Variants in AUTS2 observed in about 807,000 individuals in gnomAD.
The protein encoded by AUTS2 is autism susceptibility gene 2 protein.
In AUTS2, 17 loss-of-function variants were observed where a neutral mutation model predicts 112.4. The ratio of observed to expected loss-of-function variants is 0.15; its 90% CI spans 0.10 to 0.23. The LOEUF (loss-of-function observed/expected upper bound fraction) is 0.23. Among genes scored for constraint, AUTS2 ranks in the 10% least tolerant of loss-of-function variants. AUTS2 has a pLI of 1.00. For missense variants in AUTS2, 1,510 were observed against 1,701.6 expected (o/e 0.89, Z 1.98); for synonymous variants, 751 against 702.7 (o/e 1.07, Z -1.09).
At chr7:70,537,863 C>T (rs1341256679) in intron 5 of AUTS2, among the ~76,000 whole-genome samples, 1 of 152,126 alleles carries the variant, frequency 6.6e-6, no homozygotes, top group African/African-American at 2.4e-5. Context: ...AACCTGACTG[C>T]CGAACAAAAT....
At chr7:69,914,356 G>GAC (rs66527808) in intron 2 of AUTS2, among the ~76,000 whole-genome samples, 49,115 of 135,870 alleles carry the variant, frequency 0.36, 8,782 homozygotes, top group East Asian at 0.48. Flanking sequence ...CACACACACA[G>GAC]ACACACACAC....
chr7:69,619,975 T>C (rs991637791), intron 1 of AUTS2, among the ~76,000 whole-genome samples: 1 of 152,190 alleles, frequency 6.6e-6, no homozygotes, highest in African/African-American at 2.4e-5. Flanking sequence ...TGGCTTAAAT[T>C]ATGATTTTTT....
chr7:69,696,823 T>TATGTCTTTGCTGTGAGCA (rs1797582540), intron 1 of AUTS2, among the ~76,000 whole-genome samples: 1 of 152,228 alleles, frequency 6.6e-6, no homozygotes, highest in Admixed American at 6.5e-5. Context: ...GTAAAATATG[T>TATGTCTTTGCTGTGAGCA]ATGTCTTTGC....
At chr7:69,655,600 G>C (rs1795490536) in intron 1 of AUTS2, among the ~76,000 whole-genome samples, 1 of 152,208 alleles carries the variant, frequency 6.6e-6, no homozygotes, top group South Asian at 2.1e-4. Context: ...TAAAGTTTGA[G>C]AAACACTGAG....
At chr7:70,172,363 G>A (rs1808747735) in intron 4 of AUTS2, among the ~76,000 whole-genome samples, 1 of 152,160 alleles carries the variant, frequency 6.6e-6, no homozygotes, top group Admixed American at 6.5e-5. Context: ...GTTTCTGTAA[G>A]GTAATCCCAG....
intron 2 of AUTS2, among the ~76,000 whole-genome samples, chr7:69,912,515 G>A (rs1051844187): frequency 1.1e-4 from 16 of 152,242 alleles, no homozygotes; most frequent in Admixed American, 1.0e-3. Flanking sequence ...GACCATGTAG[G>A]GAGTATATTA....
In AUTS2 at chr7:70,246,761, A is replaced by G. The variant is rs180951302; in HGVS notation, c.660+112190A>G. Among the ~76,000 whole-genome samples, 5 of 152,174 alleles carry G rather than the reference A, an allele frequency of 3.3e-5. No homozygotes were observed. In the East Asian group the frequency reaches 9.7e-4, roughly 29 times the overall value. ...AAAGTGAAATTTTCATTGGAATTGC[A>G]TTGTTTATTGGATAATTTAGAAGGA... On this transcript the variant is annotated intron_variant, in intron 4 of 18. Coordinates refer to ENST00000342771, the MANE Select transcript of AUTS2 (RefSeq NM_015570.4).
intron 1 of AUTS2, among the ~76,000 whole-genome samples, chr7:69,784,800 A>G (rs556826355): frequency 5.1e-4 from 77 of 152,132 alleles, no homozygotes; most frequent in African/African-American, 1.7e-3. Context: ...TGGTGGTTGA[A>G]CTCCAGTGCA....
At chr7:69,847,962 C>G (rs1792285197) in intron 1 of AUTS2, among the ~76,000 whole-genome samples, 1 of 152,188 alleles carries the variant, frequency 6.6e-6, no homozygotes, top group South Asian at 2.1e-4. Flanking sequence ...CTCCTTTGCA[C>G]TGGATTTACT....
intron 1 of AUTS2, among the ~76,000 whole-genome samples, chr7:69,789,987 C>G (rs1789544644): frequency 6.6e-6 from 1 of 151,956 alleles, no homozygotes; most frequent in Non-Finnish European, 1.5e-5. Flanking sequence ...CGTGTTGAAA[C>G]ATCAGAGAAT....
chr7:70,310,504 T>A (rs1467813225), intron 4 of AUTS2, among the ~76,000 whole-genome samples: 2 of 151,772 alleles, frequency 1.3e-5, no homozygotes, highest in Admixed American at 6.6e-5. Context: ...TCCCAGCTAC[T>A]TGGGAGGCTG....
chr7:69,911,101 T>C (rs1795335342), intron 2 of AUTS2, among the ~76,000 whole-genome samples: 1 of 152,200 alleles, frequency 6.6e-6, no homozygotes, highest in Non-Finnish European at 1.5e-5. Context: ...AGCCAAGCCA[T>C]ATCAGTGAGT....
rs1789915317 is a variant in AUTS2 at position 70,766,001 on chromosome 7, A to AGG, written c.1469-113_1469-112insGG. 6.7e-7 allele frequency: 1 copy of AGG among 1,489,518 alleles called. No individual in the cohort carries two copies. 92.3% of individuals were successfully genotyped at this position (1,489,518 alleles called of 1,614,324 possible). A position where few individuals can be genotyped will look rare whatever the true frequency, so the allele number is the denominator to read the frequency against. On this transcript the variant is annotated intron_variant, in intron 8 of 18. Coordinates refer to ENST00000342771, the MANE Select transcript of AUTS2 (RefSeq NM_015570.4). This position sits in a 1 kb window ranked among gnomAD's most constrained non-coding sequence, Gnocchi z 4.8. ...CCCGTTTATCTCAGGGCCCAGCCAC[A>AGG]CCCTGTCACCCCTGCCACTGTGTCA... is the stretch of plus-strand genomic sequence containing the variant.
chr7:70,543,762 TA>T (rs1434314817), intron 5 of AUTS2, among the ~76,000 whole-genome samples: 1 of 152,116 alleles, frequency 6.6e-6, no homozygotes, highest in African/African-American at 2.4e-5. Flanking sequence ...ACATGTGAAT[TA>T]AAAATAGGCA....
intron 4 of AUTS2, among the ~76,000 whole-genome samples, chr7:70,150,481 G>A (rs983774063): frequency 3.3e-5 from 5 of 152,168 alleles, no homozygotes; most frequent in African/African-American, 1.2e-4. Flanking sequence ...CTTCCCAGTA[G>A]ACATGCTGTT....
At chr7:70,060,845 TC>T (rs1472298709) in intron 2 of AUTS2, among the ~76,000 whole-genome samples, 5 of 152,250 alleles carry the variant, frequency 3.3e-5, no homozygotes, top group Admixed American at 2.6e-4. Flanking sequence ...TCTGCTGCAT[TC>T]CCCAGCCTCC....
chr7:70,637,838 A>G (rs981228898), intron 5 of AUTS2, among the ~76,000 whole-genome samples: 2 of 152,190 alleles, frequency 1.3e-5, no homozygotes, highest in African/African-American at 4.8e-5. Context: ...GATTACTATA[A>G]AGGCACAGAT....
At chr7:70,208,107 C>T (rs1322970049) in intron 4 of AUTS2, among the ~76,000 whole-genome samples, 1 of 149,510 alleles carries the variant, frequency 6.7e-6, no homozygotes, top group Non-Finnish European at 1.5e-5. Context: ...CTGCTTTCTA[C>T]ACATCTTTGA....
At position 70,790,957 on chromosome 7, in the gene AUTS2, G is replaced by A; in HGVS notation, c.3741G>A (p.Arg1247=). ...CTCTGTCCGCAGAGATAAGGGAGAG[G>A]CCCCCTTCCCACACGCTGAAGGATA... ...TTPLSAEIRE[R]PPSHTLKDIE... The change falls in exon 19 of 19, where the codon AGG becomes AGA. Residue 1247 remains arginine (R), a synonymous_variant. Transcript: ENST00000342771. This position sits in a 1 kb window ranked among gnomAD's most constrained non-coding sequence, Gnocchi z 7.6. 4 of 1,511,314 alleles carry A rather than the reference G, an allele frequency of 2.6e-6. No homozygotes were observed. The highest frequency in any genetic ancestry group is 3.5e-6 in the Non-Finnish European group (4 of 1,129,800). 93.6% of individuals were successfully genotyped at this position (1,511,314 alleles called of 1,614,324 possible).
Sources: allele counts gnomAD v4.1 joint callset (sites outside exome capture counted in the v4.1 genomes callset), GRCh38; gene constraint gnomAD v4.1.1; non-coding constraint Gnocchi (gnomAD v3.1); transcripts MANE v1.5; gene names NCBI Gene and HGNC (gene_info 2026-07-23, HGNC 2026-07-21).